The following PDE10A variants were observed in gnomAD, a reference collection of about 807,000 sequenced individuals.
PDE10A encodes the protein cAMP and cAMP-inhibited cGMP 3',5'-cyclic phosphodiesterase 10A.
Under a neutral mutation model 97.7 loss-of-function variants are expected in PDE10A, and 39 were observed. The observed-to-expected ratio is 0.40, with a 90% CI of 0.31 to 0.52. The LOEUF (loss-of-function observed/expected upper bound fraction) is 0.52. Among genes scored for constraint, PDE10A ranks in the 20% least tolerant of loss-of-function variants. The probability of loss-of-function intolerance (pLI) is 0.56; values close to 1 mark genes in which losing one functional copy is unlikely to be tolerated. For synonymous variants in PDE10A, 371 were observed against 376.8 expected, an observed-to-expected ratio of 0.98 and a Z score of 0.18; for missense variants, 731 against 1,047.8, an observed-to-expected ratio of 0.70 and a Z score of 4.17.
intron 13 of PDE10A, among the ~76,000 whole-genome samples, chr6:165,399,641 G>A (rs1412611223): frequency 6.8e-6 from 1 of 147,802 alleles, no homozygotes; most frequent in Non-Finnish European, 1.5e-5. Flanking sequence ...TGTTCTCATT[G>A]TTCAATTCCC....
intron 1 of PDE10A, among the ~76,000 whole-genome samples, chr6:165,931,072 T>C (rs1342635135): frequency 2.6e-5 from 4 of 152,226 alleles, no homozygotes; most frequent in African/African-American, 9.6e-5. Flanking sequence ...GCATTTCAAA[T>C]ATGACTTGAT....
chr6:165,700,542 C>T (rs912466521), intron 1 of PDE10A, among the ~76,000 whole-genome samples: 7 of 152,168 alleles, frequency 4.6e-5, no homozygotes, highest in South Asian at 2.1e-4. Flanking sequence ...GCACCTATGT[C>T]GTGCACGCAT....
intron 1 of PDE10A, among the ~76,000 whole-genome samples, chr6:165,730,725 C>T (rs1034178811): frequency 7.1e-6 from 1 of 141,314 alleles, no homozygotes; most frequent in Non-Finnish European, 1.5e-5. Flanking sequence ...TACAATCCAG[C>T]CTGGGCGACA....
At chr6:165,969,057 C>T (rs756350767) in intron 1 of PDE10A, among the ~76,000 whole-genome samples, 1 of 152,208 alleles carries the variant, frequency 6.6e-6, no homozygotes, top group Non-Finnish European at 1.5e-5. Flanking sequence ...TCATTGTCCT[C>T]ATTTAATGAC....
chr6:165,400,268 C>T (rs891890574), intron 13 of PDE10A, among the ~76,000 whole-genome samples: 12 of 151,128 alleles, frequency 7.9e-5, no homozygotes, highest in Admixed American at 5.9e-4. Context: ...AATGTCTTAA[C>T]GACCTTAGGT....
chr6:165,832,121 C>G (rs1779938729), intron 1 of PDE10A, among the ~76,000 whole-genome samples: 1 of 152,018 alleles, frequency 6.6e-6, no homozygotes, highest in African/African-American at 2.4e-5. Flanking sequence ...AGGAAAGTCT[C>G]TAGTATTTTG....
chr6:165,738,657 C>T (rs1792643464), intron 1 of PDE10A, among the ~76,000 whole-genome samples: 1 of 151,752 alleles, frequency 6.6e-6, no homozygotes, highest in Non-Finnish European at 1.5e-5. Context: ...TATTTCTCCA[C>T]ATCCTGTCCA....
chr6:165,912,794 G>T (rs1303303388), intron 1 of PDE10A, among the ~76,000 whole-genome samples: 1 of 152,172 alleles, frequency 6.6e-6, no homozygotes, highest in African/African-American at 2.4e-5. Context: ...TGTGACCAGA[G>T]GGTCACAGGA....
intron 1 of PDE10A, among the ~76,000 whole-genome samples, chr6:165,964,997 C>G (rs907742034): frequency 6.6e-6 from 1 of 152,208 alleles, no homozygotes; most frequent in Admixed American, 6.5e-5. Context: ...GGCAAATGGC[C>G]AGGTGATGGG....
At position 165,465,215 on chromosome 6, in the gene PDE10A, G is replaced by A. The variant is rs182376269; in HGVS notation, c.1024-14853C>T. 3.0e-3 allele frequency among the ~76,000 whole-genome samples: 452 copies of A among 152,258 alleles called. 3 individuals are homozygous for A. Among genetic ancestry groups the A allele is most frequent in the African/African-American group, 9.9e-3 (413 of 41,536 alleles). ...CACAGGCTAAAAATCTAACCATTCT[G>A]TAATGAGCAACTATAATGACCCATG... On this transcript the variant is annotated intron_variant, in intron 3 of 21. Coordinates refer to ENST00000539869, the MANE Select transcript of PDE10A (RefSeq NM_001385079.1).
At chr6:165,983,963 A>G (rs1024852906) in intron 1 of PDE10A, among the ~76,000 whole-genome samples, 4 of 152,274 alleles carry the variant, frequency 2.6e-5, no homozygotes, top group Non-Finnish European at 5.9e-5. Context: ...GACATCCACC[A>G]GAAATGCACA....
chr6:165,496,599 G>A (rs575086940), intron 2 of PDE10A, among the ~76,000 whole-genome samples: 1 of 152,284 alleles, frequency 6.6e-6, no homozygotes, highest in Non-Finnish European at 1.5e-5. Context: ...TCCACTGATA[G>A]CTGGACACAC....
intron 21 of PDE10A, among the ~76,000 whole-genome samples, chr6:165,335,125 G>A (rs1354506207): frequency 1.3e-5 from 2 of 152,148 alleles, no homozygotes; most frequent in Non-Finnish European, 2.9e-5. Context: ...AAAGTAAAAT[G>A]AAAATCTTTA....
At chr6:165,965,336 G>A (rs1053075711) in intron 1 of PDE10A, among the ~76,000 whole-genome samples, 1 of 152,168 alleles carries the variant, frequency 6.6e-6, no homozygotes, top group Non-Finnish European at 1.5e-5. Context: ...CCTACACAGA[G>A]GAGACACTGG....
intron 18 of PDE10A, among the ~76,000 whole-genome samples, chr6:165,370,238 T>C (rs1156922976): frequency 3.3e-5 from 5 of 150,738 alleles, no homozygotes; most frequent in African/African-American, 4.9e-5. Flanking sequence ...ATATTAACTT[T>C]AAATGTAAAT....
intron 1 of PDE10A, among the ~76,000 whole-genome samples, chr6:165,725,741 C>T (rs554485482): frequency 3.0e-4 from 46 of 152,302 alleles, no homozygotes; most frequent in South Asian, 6.2e-4. Flanking sequence ...CTGGAAGTCA[C>T]GTTTGCCTCC....
intron 2 of PDE10A, among the ~76,000 whole-genome samples, chr6:165,500,201 A>C (rs1263636090): frequency 6.6e-6 from 1 of 152,098 alleles, no homozygotes; most frequent in Non-Finnish European, 1.5e-5. Flanking sequence ...CATAGTTTAC[A>C]TTATATATAA....
At chr6:165,405,072 A>G (rs1223887237) in intron 13 of PDE10A, among the ~76,000 whole-genome samples, 9 of 134,534 alleles carry the variant, frequency 6.7e-5, no homozygotes, top group Non-Finnish European at 1.4e-4. Flanking sequence ...ATTTGAAAGC[A>G]CTGGGAACAA....
intron 1 of PDE10A, among the ~76,000 whole-genome samples, chr6:165,716,361 GCTGC>G (rs1320932050): frequency 6.6e-6 from 1 of 152,236 alleles, no homozygotes; most frequent in East Asian, 1.9e-4. Context: ...TTAAATGCAA[GCTGC>G]CTGGGCCTCC....
Sources: allele counts gnomAD v4.1 joint callset (sites outside exome capture counted in the v4.1 genomes callset), GRCh38; gene constraint gnomAD v4.1.1; transcripts MANE v1.5; gene names NCBI Gene and HGNC (gene_info 2026-07-23, HGNC 2026-07-21).